Variants in CFAP95 observed in about 807,000 individuals in gnomAD.
CFAP95 encodes cilia and flagella associated protein 95, also known as cilia- and flagella-associated protein 95.
the CFAP95 span, among the ~76,000 whole-genome samples, chr9:69,870,654 G>A: frequency 6.6e-6 from 1 of 152,204 alleles, no homozygotes. Flanking sequence ...ACTGTGGCAT[G>A]GCCACCCATG....
the CFAP95 span, among the ~76,000 whole-genome samples, chr9:69,885,471 A>C: frequency 6.6e-6 from 1 of 152,172 alleles, no homozygotes; most frequent in Non-Finnish European, 1.5e-5. Flanking sequence ...GTTGGAGTTC[A>C]GCTCTCTGCC....
At chr9:69,857,982 G>C in the CFAP95 span, 1 of 1,613,168 alleles carries the variant, frequency 6.2e-7, no homozygotes, top group African/African-American at 1.3e-5. Flanking sequence ...CAAAATGTTA[G>C]TAGTCCCTAA....
the CFAP95 span, among the ~76,000 whole-genome samples, chr9:69,837,898 T>C: frequency 6.6e-6 from 1 of 152,214 alleles, no homozygotes; most frequent in South Asian, 2.1e-4. Flanking sequence ...CATCTTGAAT[T>C]GATTTTTGTA....
At chr9:69,841,164 T>TTATA in the CFAP95 span, among the ~76,000 whole-genome samples, 457 of 56,034 alleles carry the variant, frequency 8.2e-3, 16 homozygotes, top group Admixed American at 0.031. Flanking sequence ...CCAAGCTGGA[T>TTATA]TATATATATA....
chr9:69,842,155 G>A, the CFAP95 span, among the ~76,000 whole-genome samples: 1 of 152,186 alleles, frequency 6.6e-6, no homozygotes, highest in Non-Finnish European at 1.5e-5. Context: ...GAACCCAGGT[G>A]GAGAGAGACA....
chr9:69,868,791 C>A, the CFAP95 span, among the ~76,000 whole-genome samples: 1 of 146,024 alleles, frequency 6.8e-6, no homozygotes, highest in African/African-American at 2.5e-5. Context: ...ACAAGGAACT[C>A]ATACAACTTA....
chr9:69,895,369 C>CTCTCTGTGTG, the CFAP95 span, among the ~76,000 whole-genome samples: 157 of 107,898 alleles, frequency 1.5e-3, no homozygotes, highest in African/African-American at 5.5e-3. Flanking sequence ...CTCTCTCTCT[C>CTCTCTGTGTG]TGTGTGTGTG....
the CFAP95 span, among the ~76,000 whole-genome samples, chr9:69,835,254 A>T: frequency 1.3e-5 from 2 of 152,204 alleles, no homozygotes; most frequent in Admixed American, 6.5e-5. Context: ...TGCCATCTGG[A>T]GTCTTAACTA....
At chr9:69,838,329 G>A in the CFAP95 span, among the ~76,000 whole-genome samples, 4 of 151,790 alleles carry the variant, frequency 2.6e-5, no homozygotes, top group Non-Finnish European at 4.4e-5. Context: ...GGGCAGTATG[G>A]CCATTTTCAC....
the CFAP95 span, among the ~76,000 whole-genome samples, chr9:69,852,965 G>C: frequency 1.3e-5 from 2 of 152,128 alleles, no homozygotes; most frequent in East Asian, 3.9e-4. Context: ...GGCCTCCCCA[G>C]CCCAGTGGAA....
the CFAP95 span, chr9:69,885,120 C>T: frequency 6.6e-6 from 1 of 152,174 alleles, no homozygotes; most frequent in South Asian, 2.1e-4. Context: ...GGTTACCACC[C>T]AGGTATCCAA....
At chr9:69,906,079 T>C in the CFAP95 span, 2 of 1,612,994 alleles carry the variant, frequency 1.2e-6, no homozygotes, top group East Asian at 2.2e-5. Flanking sequence ...TTTATGCTAA[T>C]TCAGATGTAA....
the CFAP95 span, chr9:69,844,690 A>G: frequency 8.2e-7 from 1 of 1,214,974 alleles, no homozygotes; most frequent in East Asian, 2.3e-5. Context: ...ATAAAAAGGT[A>G]AAGGGAGGAG....
At chr9:69,827,313 C>T in the CFAP95 span, among the ~76,000 whole-genome samples, 4 of 152,242 alleles carry the variant, frequency 2.6e-5, no homozygotes, top group East Asian at 3.9e-4. Flanking sequence ...CACTCTGTAG[C>T]GGGTAGCAGA....
chr9:69,866,768 G>A, the CFAP95 span, among the ~76,000 whole-genome samples: 1 of 152,220 alleles, frequency 6.6e-6, no homozygotes, highest in Non-Finnish European at 1.5e-5. Flanking sequence ...AAATACTGGT[G>A]AAAAGTTATT....
the CFAP95 span, among the ~76,000 whole-genome samples, chr9:69,828,926 T>A: frequency 2.2e-4 from 33 of 152,314 alleles, no homozygotes; most frequent in African/African-American, 7.9e-4. Context: ...TTTCCCTGGA[T>A]GCAAGCATTC....
chr9:69,878,295 T>C, the CFAP95 span, among the ~76,000 whole-genome samples: 1 of 152,320 alleles, frequency 6.6e-6, no homozygotes, highest in East Asian at 1.9e-4. Flanking sequence ...GATACTTCCT[T>C]GAAAAGTCAT....
chr9:69,836,840 A>G, the CFAP95 span, among the ~76,000 whole-genome samples: 2 of 150,782 alleles, frequency 1.3e-5, no homozygotes, highest in African/African-American at 4.9e-5. Context: ...CTAACTCGTC[A>G]TCTAGCATTA....
chr9:69,821,085 GA>G, the CFAP95 span: 1 of 1,589,862 alleles, frequency 6.3e-7, no homozygotes. Context: ...AAAGAGAGGG[GA>G]AAGGATGGAA....
Sources: gnomAD v4.1 joint callset for allele counts (sites outside exome capture counted in the v4.1 genomes callset) on GRCh38, gnomAD v4.1.1 for gene constraint, MANE v1.5 for transcripts, NCBI Gene and HGNC (gene_info 2026-07-23, HGNC 2026-07-21) for gene names.